The following REXO1 variants were observed in gnomAD, a reference collection of about 807,000 sequenced individuals.
REXO1 encodes RNA exonuclease 1 homolog.
Under a neutral mutation model 102.6 loss-of-function variants are expected in REXO1, and 42 were observed. The ratio of observed to expected loss-of-function variants is 0.41; its 90% CI spans 0.32 to 0.53. The LOEUF is 0.53. REXO1 is among the 20% of genes least tolerant of loss of function. The probability of loss-of-function intolerance (pLI) is 0.27; values close to 1 mark genes in which losing one functional copy is unlikely to be tolerated. For missense variants in REXO1, 1,819 were observed against 1,732.5 expected (o/e 1.05, Z -0.89); for synonymous variants, 908 against 779.1 (o/e 1.17, Z -2.76).
At chr19:1,829,496 A>T (rs1009095859) in intron 1 of REXO1, among the ~76,000 whole-genome samples, 3 of 152,024 alleles carry the variant, frequency 2.0e-5, no homozygotes, top group African/African-American at 7.2e-5. Flanking sequence ...GGCCTACTTT[A>T]AATTAATTTT....
Position 1,817,328 on chromosome 19 carries a change from T to A in REXO1, c.3092A>T (p.Gln1031Leu). ...AGSVGCQVAK[Q>L]HVQDGRKERL... ...CTCCTTCCGGCCATCCTGCACGTGT[T>A]GCTGGGGGTGGAGAAGGCAGGTGAG... Residue 1031 changes from glutamine to leucine, a missense_variant and splice_region_variant, in exon 12 of 16, where the codon CAA (glutamine) becomes CTA (leucine). Transcript: ENST00000170168. 6.2e-7 allele frequency: 1 copy of A among 1,612,234 alleles called. No homozygotes were observed. The highest frequency in any genetic ancestry group is 8.5e-7 in the Non-Finnish European group (1 of 1,179,964).
Position 1,828,613 on chromosome 19 carries a change from T to A in REXO1, c.176A>T (p.Tyr59Phe), listed in dbSNP as rs1430885127. The A allele has an allele frequency of 6.2e-7, 1 of 1,600,846 alleles. No individual in the cohort carries two copies. Among genetic ancestry groups the A allele is most frequent in the Admixed American group, 1.7e-5 (1 of 59,924 alleles). ...PPAAGLGYDP[Y>F]NPELPKPPAQ... ...GGGGGGCTTGGGCAGCTCAGGGTTGTAGGGGTCGTAACCCAGCCCTGAAGG... is the reference window on the plus strand; with the variant it reads ...GGGGGGCTTGGGCAGCTCAGGGTTGAAGGGGTCGTAACCCAGCCCTGAAGG... The change falls in exon 2 of 16, where the codon TAC becomes TTC. Residue 59 changes from tyrosine to phenylalanine, a missense_variant. Transcript: ENST00000170168.
chr19:1,842,745 G>A (rs1024580597), intron 1 of REXO1, among the ~76,000 whole-genome samples: 2 of 152,346 alleles, frequency 1.3e-5, no homozygotes, highest in African/African-American at 2.4e-5. Flanking sequence ...GAGGAGGCCC[G>A]GCAAGCGGCC....
rs1312358548 is a variant in REXO1 at position 1,820,001 on chromosome 19, C to T, written c.2583G>A (p.Leu861=). 6 of 1,599,364 alleles carry T rather than the reference C, an allele frequency of 3.8e-6. No homozygotes were observed. The East Asian group carries it at 1.3e-4, about 36-fold the overall frequency. Residue 861 remains leucine, a synonymous_variant, in exon 7 of 16, where the codon CTG becomes CTA. Transcript: ENST00000170168. ...TCTTGAGGGTGTTCACGGCCACATT[C>T]AGGTAGATGTTCTTGCTGGGGCTGC... ...YDRSPSKNIY[L]NVAVNTLKKL...
At chr19:1,836,824 T>C (rs1169999773) in intron 1 of REXO1, among the ~76,000 whole-genome samples, 2 of 147,774 alleles carry the variant, frequency 1.4e-5, no homozygotes, top group Admixed American at 1.3e-4. Flanking sequence ...CGCAGGGCTC[T>C]CAACGCAACC....
chr19:1,835,427 A>G lies in REXO1; in HGVS notation c.158-6796T>C, dbSNP rs574055944. Among the ~76,000 whole-genome samples the G allele has an allele frequency of 8.5e-5, 13 of 152,318 alleles. No homozygotes were observed. In the East Asian group the frequency reaches 2.3e-3, roughly 27 times the overall value. On this transcript the variant is annotated intron_variant, in intron 1 of 15. Coordinates refer to ENST00000170168, the MANE Select transcript of REXO1 (RefSeq NM_020695.4). ...GCCAGGCCTGGTGGCAGGCGCCTGT[A>G]ATCCCAGCTAGTCGGGAAGCTGAGG...
At chr19:1,845,800 G>A (rs1441008258) in intron 1 of REXO1, among the ~76,000 whole-genome samples, 3 of 152,270 alleles carry the variant, frequency 2.0e-5, no homozygotes, top group Middle Eastern at 3.4e-3. Flanking sequence ...AGGAGCACCA[G>A]CCACCTTCCT....
rs540671714 is a variant in REXO1 at position 1,815,885 on chromosome 19, G to C, written c.*181C>G. On this transcript the variant is annotated 3_prime_UTR_variant, in exon 16 of 16. Transcript: ENST00000170168. The surrounding 1 kb of genome is among the most constrained non-coding windows in gnomAD (Gnocchi z 4.0). ...AGGGTGGGGACCGGCGGAGGGGTGC[G>C]GCAGGACGTGAGCGGGGGTGGGCTG... is the stretch of plus-strand genomic sequence containing the variant. 1 of 1,527,764 alleles carries C rather than the reference G, an allele frequency of 6.5e-7. No individual in the cohort carries two copies. Among genetic ancestry groups the C allele is most frequent in the Non-Finnish European group, 8.8e-7 (1 of 1,141,664 alleles). 94.6% of individuals were successfully genotyped at this position (1,527,764 alleles called of 1,614,324 possible).
In REXO1 at chr19:1,821,513, G is replaced by T. The variant is rs781122979; in HGVS notation, c.2394+6C>A. The stretch of plus-strand genomic sequence containing the variant: ...TGGTGGTCCTGGCCGAGATGGGAGG[G>T]GCTACCTGTAAGGATGGACTGTGGG... On this transcript the variant is annotated splice_donor_region_variant and intron_variant, in intron 5 of 15. Transcript: ENST00000170168. 1 of 1,613,524 alleles carries T rather than the reference G, an allele frequency of 6.2e-7. No individual in the cohort carries two copies. Among genetic ancestry groups the T allele is most frequent in the Non-Finnish European group, 8.5e-7 (1 of 1,179,728 alleles).
chr19:1,826,879 T>C lies in REXO1; in HGVS notation c.1910A>G (p.Gln637Arg), dbSNP rs1163976520. The C allele has an allele frequency of 3.2e-6, 5 of 1,572,622 alleles. No homozygotes were observed. The highest frequency in any genetic ancestry group is 3.7e-5 in the Admixed American group (2 of 54,240). Residue 637 changes from glutamine (Q) to arginine (R), a missense_variant and splice_region_variant, in exon 2 of 16, where the codon CAG becomes CGG. By Grantham distance (43) the Gln-to-Arg change is conservative (BLOSUM62 1). Coordinates refer to ENST00000170168, the MANE Select transcript of REXO1 (RefSeq NM_020695.4). This position sits in a 1 kb window ranked among gnomAD's most constrained non-coding sequence, Gnocchi z 4.3. ...KTEDRGRLAR[Q>R]PPKEEKSEEK... ...AGCCCCAGCACCCGCGCGCCTCACC[T>C]GCCGGGCCAGCCGGCCTCTGTCCTC...
chr19:1,829,642 C>T (rs1012560094), intron 1 of REXO1, among the ~76,000 whole-genome samples: 1 of 152,016 alleles, frequency 6.6e-6, no homozygotes, highest in Non-Finnish European at 1.5e-5. Context: ...AACCCCGTCT[C>T]TACTAAAAAT....
chr19:1,817,877 G>C, intron 10 of REXO1, 97 bp from the exon 11 acceptor site: 1 of 972,034 alleles, frequency 1.0e-6, no homozygotes, highest in East Asian at 2.6e-5. Flanking sequence ...CTACTAGGGA[G>C]TGAGGACTGA....
intron 1 of REXO1, among the ~76,000 whole-genome samples, chr19:1,847,877 G>A (rs569940306): frequency 2.6e-5 from 4 of 152,356 alleles, no homozygotes; most frequent in Admixed American, 6.5e-5. Flanking sequence ...GCCTAGCGCC[G>A]GCCGCGCCCG....
At chr19:1,835,020 G>A in intron 1 of REXO1, 1 of 411,490 alleles carries the variant, frequency 2.4e-6, no homozygotes, top group Non-Finnish European at 5.0e-6. Context: ...CACACAGGAA[G>A]TTGCCTGGGG....
chr19:1,827,321 C>T lies in REXO1; in HGVS notation c.1468G>A (p.Gly490Arg). 6.4e-7 allele frequency: 1 copy of T among 1,558,792 alleles called. No individual in the cohort carries two copies. Among genetic ancestry groups the T allele is most frequent in the Non-Finnish European group, 8.6e-7 (1 of 1,157,144 alleles). The change falls in exon 2 of 16, where the codon GGG becomes AGG. Residue 490 changes from glycine to arginine, a missense_variant. Coordinates refer to ENST00000170168, the MANE Select transcript of REXO1 (RefSeq NM_020695.4). The part of the protein sequence containing the change: ...PDRKSTKAPS[G>R]KLVERKARSL... ...CGGGCTTTCCGCTCCACTAGCTTCC[C>T]CGACGGGGCCTTGGTGCTCTTCCTG...
Position 1,823,602 on chromosome 19 carries a change from C to T in REXO1, c.2200G>A (p.Ala734Thr). The T allele has an allele frequency of 5.3e-6, 7 of 1,321,708 alleles. No individual in the cohort carries two copies. In the Middle Eastern group the frequency reaches 6.6e-4, roughly 125 times the overall value. 81.9% of individuals were successfully genotyped at this position (1,321,708 alleles called of 1,614,324 possible). Reference sequence around the variant, plus strand: ...GCCAGGCGGGGGTTGGGGATGTGGGCGATCCTCCTCTTCTCGCCAGGGGCG... The same window carrying T: ...GCCAGGCGGGGGTTGGGGATGTGGGTGATCCTCCTCTTCTCGCCAGGGGCG... Reference protein sequence around the residue: ...ISAPGEKRRIAHIPNPRLAAA... With the variant: ...ISAPGEKRRITHIPNPRLAAA... Residue 734 changes from alanine to threonine, a missense_variant, in exon 4 of 16, where the codon GCC becomes ACC. Physicochemically the swap from Ala to Thr is moderately conservative, Grantham distance 58. Coordinates refer to ENST00000170168, the MANE Select transcript of REXO1 (RefSeq NM_020695.4).
At chr19:1,841,487 T>C (rs2011276651) in intron 1 of REXO1, among the ~76,000 whole-genome samples, 1 of 152,244 alleles carries the variant, frequency 6.6e-6, no homozygotes, top group Admixed American at 6.5e-5. Context: ...GACCCCATCG[T>C]GCAGAAGAGC....
At chr19:1,833,366 C>T (rs898959141) in intron 1 of REXO1, among the ~76,000 whole-genome samples, 1 of 152,230 alleles carries the variant, frequency 6.6e-6, no homozygotes, top group Admixed American at 6.5e-5. Context: ...GCCACAGGTT[C>T]TTCTTTGCCT....
At chr19:1,823,143 A>G (rs575077909) in intron 4 of REXO1, 45 of 174,332 alleles carry the variant, frequency 2.6e-4, no homozygotes, top group African/African-American at 1.0e-3. Context: ...GGAGTAAAGG[A>G]AATACAGCCC....
Sources: allele counts gnomAD v4.1 joint callset (sites outside exome capture counted in the v4.1 genomes callset), GRCh38; gene constraint gnomAD v4.1.1; non-coding constraint Gnocchi (gnomAD v3.1); transcripts MANE v1.5; gene names NCBI Gene and HGNC (gene_info 2026-07-23, HGNC 2026-07-21).